LRRTM4: variants seen among roughly 807,000 people sequenced by gnomAD.
The protein encoded by LRRTM4 is leucine rich repeat transmembrane neuronal 4.
Under a neutral mutation model 47.6 loss-of-function variants are expected in LRRTM4, and 25 were observed. The ratio of observed to expected loss-of-function variants is 0.53; its 90% CI spans 0.38 to 0.73. LRRTM4 has a LOEUF of 0.73. Among genes scored for constraint, LRRTM4 ranks in the 30% least tolerant of loss-of-function variants. The pLI, the probability that LRRTM4 is intolerant of heterozygous loss-of-function variation, is 0.00. For missense variants in LRRTM4, 638 were observed against 713.4 expected, an observed-to-expected ratio of 0.89 and a Z score of 1.20; for synonymous variants, 311 against 269.5, an observed-to-expected ratio of 1.15 and a Z score of -1.51.
intron 3 of LRRTM4, among the ~76,000 whole-genome samples, chr2:77,260,374 C>CGTGTGTGTGTGT (rs58758948): frequency 7.1e-6 from 1 of 140,398 alleles, no homozygotes; most frequent in African/African-American, 2.7e-5. Context: ...ACCAAAAAAT[C>CGTGTGTGTGTGT]GTGTGTGTGT....
At chr2:77,067,551 T>C (rs1007631577) in intron 3 of LRRTM4, among the ~76,000 whole-genome samples, 4 of 151,850 alleles carry the variant, frequency 2.6e-5, no homozygotes, top group African/African-American at 9.7e-5. Flanking sequence ...TCAGATGGAA[T>C]ACCGTAGAAA....
rs1471016757 is a variant in LRRTM4 at position 76,748,693 on chromosome 2, C to T, written c.*2G>A. 1.2e-6 allele frequency: 2 copies of T among 1,608,720 alleles called. No homozygotes were observed. Among genetic ancestry groups the T allele is most frequent in the Non-Finnish European group, 8.5e-7 (1 of 1,177,610 alleles). On this transcript the variant is annotated 3_prime_UTR_variant, in exon 4 of 4. Coordinates refer to ENST00000409884, the MANE Select transcript of LRRTM4 (RefSeq NM_001134745.3). ...CTCCCCAGTGAGGAGTTGGCTTCAGCGTTAGTTTGCAATTCTCTCTAGGTA... is the reference window on the plus strand; with the variant it reads ...CTCCCCAGTGAGGAGTTGGCTTCAGTGTTAGTTTGCAATTCTCTCTAGGTA...
At chr2:76,953,902 G>C (rs1329348639) in intron 3 of LRRTM4, among the ~76,000 whole-genome samples, 1 of 151,862 alleles carries the variant, frequency 6.6e-6, no homozygotes, top group Non-Finnish European at 1.5e-5. Flanking sequence ...GCTTATGACA[G>C]TATCAGAGAA....
intron 3 of LRRTM4, among the ~76,000 whole-genome samples, chr2:77,049,945 A>C (rs1294616151): frequency 6.6e-6 from 1 of 152,072 alleles, no homozygotes; most frequent in Non-Finnish European, 1.5e-5. Flanking sequence ...AGATGATTTA[A>C]AAAGCAGTGA....
rs554239251 is a variant in LRRTM4, at chr2:76,975,079, AAAAC to A, written c.1552-226167_1552-226164del. Among the ~76,000 whole-genome samples, 40 of 151,912 alleles carry A rather than the reference AAAAC, an allele frequency of 2.6e-4. 1 individual carries two copies. The South Asian group carries it at 6.8e-3, about 26-fold the overall frequency. On this transcript the variant is annotated intron_variant, in intron 3 of 3. Coordinates refer to ENST00000409884, the MANE Select transcript of LRRTM4 (RefSeq NM_001134745.3). ...GTTAACAAAAACAAACAAACCAACA[AAAAC>A]AAACAAACCAACAAAAAGCCCTAAT...
At chr2:77,471,753 T>A (rs1677197486) in intron 3 of LRRTM4, among the ~76,000 whole-genome samples, 1 of 152,222 alleles carries the variant, frequency 6.6e-6, no homozygotes, top group Non-Finnish European at 1.5e-5. Context: ...GCTTTAGATA[T>A]ATAACACACA....
chr2:76,761,107 A>G (rs1673237500), intron 3 of LRRTM4, among the ~76,000 whole-genome samples: 1 of 152,210 alleles, frequency 6.6e-6, no homozygotes, highest in African/African-American at 2.4e-5. Context: ...TTAATGTTAA[A>G]TTTAGGTTGC....
chr2:77,163,434 T>G (rs1672788585), intron 3 of LRRTM4, among the ~76,000 whole-genome samples: 1 of 152,108 alleles, frequency 6.6e-6, no homozygotes, highest in Non-Finnish European at 1.5e-5. Context: ...CTTCCCAACC[T>G]AACAAGGCAG....
chr2:76,794,988 CTAAAAGCTA>C (rs1238819941), intron 3 of LRRTM4, among the ~76,000 whole-genome samples: 2 of 151,900 alleles, frequency 1.3e-5, no homozygotes, highest in African/African-American at 2.4e-5. Context: ...TGTAACTTCA[CTAAAAGCTA>C]TAAAGAAAAA....
intron 3 of LRRTM4, among the ~76,000 whole-genome samples, chr2:76,962,640 T>C (rs1675899455): frequency 6.6e-6 from 1 of 150,732 alleles, no homozygotes; most frequent in Non-Finnish European, 1.5e-5. Flanking sequence ...GAAATAAATT[T>C]ATAAGCAAAT....
chr2:77,452,415 A>G (rs1223709066), intron 3 of LRRTM4, among the ~76,000 whole-genome samples: 1 of 152,218 alleles, frequency 6.6e-6, no homozygotes, highest in Non-Finnish European at 1.5e-5. Context: ...TGAGTGTGTC[A>G]TGAGCTCGCT....
At chr2:76,841,169 G>C (rs544826933) in intron 3 of LRRTM4, among the ~76,000 whole-genome samples, 1 of 151,214 alleles carries the variant, frequency 6.6e-6, no homozygotes, top group Non-Finnish European at 1.5e-5. Flanking sequence ...GCAAGCTATC[G>C]CAAGGACAAA....
chr2:77,204,537 A>T (rs1179837029), intron 3 of LRRTM4, among the ~76,000 whole-genome samples: 1 of 152,142 alleles, frequency 6.6e-6, no homozygotes, highest in Non-Finnish European at 1.5e-5. Context: ...ACTTCTCCTG[A>T]CTAATGCCTA....
At chr2:76,798,793 C>CAAACT (rs1675500096) in intron 3 of LRRTM4, among the ~76,000 whole-genome samples, 1 of 151,598 alleles carries the variant, frequency 6.6e-6, no homozygotes, top group Non-Finnish European at 1.5e-5. Context: ...CACAGAAATA[C>CAAACT]AAACTACCAT....
chr2:77,149,228 CAAT>C lies in LRRTM4; in HGVS notation c.1551+369087_1551+369089del, dbSNP rs537839798. On this transcript the variant is annotated intron_variant, in intron 3 of 3. Transcript: ENST00000409884. ...TTTTAATATAAAAAATAAAATATCT[CAAT>C]GACCTTTTTTACCAATTGCATACTA... 3.9e-5 allele frequency among the ~76,000 whole-genome samples: 6 copies of C among 151,994 alleles called. No homozygotes were observed. In the South Asian group the frequency reaches 1.2e-3, roughly 32 times the overall value.
chr2:77,057,349 C>A (rs1013188211), intron 3 of LRRTM4, among the ~76,000 whole-genome samples: 1 of 152,078 alleles, frequency 6.6e-6, no homozygotes, highest in Admixed American at 6.6e-5. Flanking sequence ...ATAATAGGTA[C>A]TTATCATTGA....
At chr2:77,211,411 T>A in intron 3 of LRRTM4, among the ~76,000 whole-genome samples, 1 of 152,064 alleles carries the variant, frequency 6.6e-6, no homozygotes. Context: ...TAGAGAAAAC[T>A]AATAGGAAGC....
chr2:76,957,580 T>C (rs1247408022), intron 3 of LRRTM4, among the ~76,000 whole-genome samples: 1 of 151,760 alleles, frequency 6.6e-6, no homozygotes, highest in Non-Finnish European at 1.5e-5. Flanking sequence ...AGAATCCCTG[T>C]TTTCTATTCC....
At chr2:77,428,981 T>C (rs904116109) in intron 3 of LRRTM4, among the ~76,000 whole-genome samples, 2 of 152,212 alleles carry the variant, frequency 1.3e-5, no homozygotes, top group African/African-American at 4.8e-5. Flanking sequence ...AAATTAATCC[T>C]TTACTGGGTA....
Sources: gnomAD v4.1 joint callset for allele counts (sites outside exome capture counted in the v4.1 genomes callset) on GRCh38, gnomAD v4.1.1 for gene constraint, MANE v1.5 for transcripts, NCBI Gene and HGNC (gene_info 2026-07-23, HGNC 2026-07-21) for gene names.